The following CNTN5 variants were observed in gnomAD, a reference collection of about 807,000 sequenced individuals.
The protein encoded by CNTN5 is contactin 5.
CNTN5 carries 77 observed loss-of-function variants against 129.1 expected under a neutral mutation model. The ratio of observed to expected loss-of-function variants is 0.60; its 90% CI spans 0.50 to 0.72. The LOEUF (loss-of-function observed/expected upper bound fraction) is 0.72, where lower values mean the gene tolerates loss of function less well. Among genes scored for constraint, CNTN5 ranks in the 30% least tolerant of loss-of-function variants. The pLI, the probability that CNTN5 is intolerant of heterozygous loss-of-function variation, is 0.00. For synonymous variants in CNTN5, 509 were observed against 465.6 expected (o/e 1.09, Z -1.20); for missense variants, 1,478 against 1,328.8 (o/e 1.11, Z -1.75).
Position 99,838,868 on chromosome 11 carries a change from A to G in CNTN5, c.278-5984A>G, listed in dbSNP as rs889814987. ...TACTTAGTATTAGAAGTAATATAGT[A>G]TGCCTTTTGCTTTTAGCTAGAAATA... On this transcript the variant is annotated intron_variant, in intron 4 of 24. Coordinates refer to ENST00000524871, the MANE Select transcript of CNTN5 (RefSeq NM_014361.4). Among the ~76,000 whole-genome samples, 7 of 152,286 alleles carry G rather than the reference A, an allele frequency of 4.6e-5. No individual in the cohort carries two copies. In the East Asian group the frequency reaches 7.7e-4, roughly 17 times the overall value.
chr11:100,125,115 A>G (rs1240261805), intron 13 of CNTN5, among the ~76,000 whole-genome samples: 1 of 152,054 alleles, frequency 6.6e-6, no homozygotes, highest in East Asian at 1.9e-4. Flanking sequence ...GATGTTATAG[A>G]AAATAAAGTG....
chr11:99,408,487 A>AAAGG (rs1942233249), intron 2 of CNTN5, among the ~76,000 whole-genome samples: 1 of 145,448 alleles, frequency 6.9e-6, no homozygotes, highest in Non-Finnish European at 1.5e-5. Context: ...AGAAAGAAAG[A>AAAGG]AAGAAAGAAA....
chr11:99,797,875 G>T (rs907887996), intron 3 of CNTN5, among the ~76,000 whole-genome samples: 1 of 151,966 alleles, frequency 6.6e-6, no homozygotes, highest in Non-Finnish European at 1.5e-5. Flanking sequence ...TCATTAATTT[G>T]TGAAATTATA....
At chr11:100,000,690 A>T (rs1054256446) in intron 8 of CNTN5, among the ~76,000 whole-genome samples, 4 of 152,188 alleles carry the variant, frequency 2.6e-5, no homozygotes, top group African/African-American at 9.7e-5. Flanking sequence ...GCATTGCCCT[A>T]GTAGAGGTTC....
chr11:100,252,232 T>C (rs543621443), intron 16 of CNTN5, among the ~76,000 whole-genome samples: 1 of 152,172 alleles, frequency 6.6e-6, no homozygotes, highest in African/African-American at 2.4e-5. Context: ...TAAATGTCTT[T>C]TCAGATGTGA....
In CNTN5 at chr11:99,057,046, C is replaced by G. The variant is rs114201569; in HGVS notation, c.-210+35776C>G. ...CTGTAGGCCAAATTCCAGCTTATCA[C>G]TAAATTGACAAGCATGAGCAGCCTC... is the stretch of plus-strand genomic sequence containing the variant. On this transcript the variant is annotated intron_variant, in intron 1 of 24. Coordinates refer to ENST00000524871, the MANE Select transcript of CNTN5 (RefSeq NM_014361.4). 6.2e-3 allele frequency among the ~76,000 whole-genome samples: 949 copies of G among 152,098 alleles called. 7 individuals are homozygous for G. The highest frequency in any genetic ancestry group is 0.022 in the African/African-American group (905 of 41,514).
chr11:99,045,702 T>C (rs1864177682), intron 1 of CNTN5, among the ~76,000 whole-genome samples: 1 of 152,210 alleles, frequency 6.6e-6, no homozygotes, highest in African/African-American at 2.4e-5. Context: ...TGCAAAACTT[T>C]AAGCATCGGG....
chr11:99,819,508 C>T lies in CNTN5; in HGVS notation c.56-36C>T, dbSNP rs766320825. 1.5e-5 allele frequency: 23 copies of T among 1,552,640 alleles called. No homozygotes were observed. The East Asian group carries it at 5.0e-4, about 34-fold the overall frequency. Reference sequence around the variant, plus strand: ...TAAGAAAAAAATAAACTAGTTTCCTCAAAATTCAGATTTTATTATATTTTT... The same window carrying T: ...TAAGAAAAAAATAAACTAGTTTCCTTAAAATTCAGATTTTATTATATTTTT... On this transcript the variant is annotated intron_variant, in intron 3 of 24. Coordinates refer to ENST00000524871, the MANE Select transcript of CNTN5 (RefSeq NM_014361.4).
At position 99,135,028 on chromosome 11, in the gene CNTN5, T is replaced by G. The variant is rs138282964; in HGVS notation, c.-210+113758T>G. Among the ~76,000 whole-genome samples the G allele has an allele frequency of 2.2e-3, 336 of 152,334 alleles. 1 individual carries two copies. Among genetic ancestry groups the G allele is most frequent in the African/African-American group, 7.6e-3 (315 of 41,586 alleles). Reference sequence around the variant, plus strand: ...TTTCTATGATGAACATTTATTCCACTTCCACGTAGAACACTATAATATAAG... The same window carrying G: ...TTTCTATGATGAACATTTATTCCACGTCCACGTAGAACACTATAATATAAG... On this transcript the variant is annotated intron_variant, in intron 1 of 24. Coordinates refer to ENST00000524871, the MANE Select transcript of CNTN5 (RefSeq NM_014361.4).
chr11:100,095,829 A>T lies in CNTN5; in HGVS notation c.1580+21535A>T, dbSNP rs186497476. On this transcript the variant is annotated intron_variant, in intron 13 of 24. Transcript: ENST00000524871. ...TCTACACGTGTGCCTTCGGTGATTT[A>T]TTTAAGCATTCCAACAGATAACATG... Among the ~76,000 whole-genome samples, 7 of 152,164 alleles carry T rather than the reference A, an allele frequency of 4.6e-5. No homozygotes were observed. The East Asian group carries it at 1.4e-3, about 29-fold the overall frequency.
At chr11:99,731,406 T>G (rs984688075) in intron 3 of CNTN5, among the ~76,000 whole-genome samples, 1 of 152,142 alleles carries the variant, frequency 6.6e-6, no homozygotes, top group African/African-American at 2.4e-5. Context: ...AAGAAGCTCT[T>G]TAGTTAACTC....
At chr11:100,104,733 T>C (rs1243433589) in intron 13 of CNTN5, among the ~76,000 whole-genome samples, 1 of 152,142 alleles carries the variant, frequency 6.6e-6, no homozygotes. Flanking sequence ...ATAGTATATA[T>C]CTGGGTAATT....
At chr11:99,188,956 CCT>C (rs1858494148) in intron 1 of CNTN5, among the ~76,000 whole-genome samples, 1 of 151,612 alleles carries the variant, frequency 6.6e-6, no homozygotes, top group Non-Finnish European at 1.5e-5. Flanking sequence ...AATTATTCCC[CCT>C]TTTTAATTGA....
intron 3 of CNTN5, among the ~76,000 whole-genome samples, chr11:99,683,388 A>T (rs1953645722): frequency 6.6e-6 from 1 of 151,882 alleles, no homozygotes; most frequent in South Asian, 2.1e-4. Flanking sequence ...TTTCTTGAAA[A>T]GATTGTCTTT....
At chr11:99,734,607 T>G (rs1020909682) in intron 3 of CNTN5, among the ~76,000 whole-genome samples, 3 of 152,156 alleles carry the variant, frequency 2.0e-5, no homozygotes, top group African/African-American at 7.2e-5. Context: ...AAAAACAGAC[T>G]TCTAAAAGGC....
intron 3 of CNTN5, among the ~76,000 whole-genome samples, chr11:99,727,494 T>G (rs1355419020): frequency 6.6e-6 from 1 of 151,908 alleles, no homozygotes; most frequent in Admixed American, 6.6e-5. Context: ...TTTTCATAGT[T>G]ATTATATTAT....
rs1390703661 is a variant in CNTN5, at chr11:99,408,503, A to AAAGAAAGT, written c.-71+83022_-71+83023insAAAGTAAG. ...GAAAGAAAGAAAGAAAGAAAGAAAG[A>AAAGAAAGT]AAGTTAGTTCATAGAAATTGGAGTC... On this transcript the variant is annotated intron_variant, in intron 2 of 24. Transcript: ENST00000524871. Among the ~76,000 whole-genome samples, 1,043 of 144,662 alleles carry AAAGAAAGT rather than the reference A, an allele frequency of 7.2e-3. 10 individuals are homozygous for AAAGAAAGT. Among genetic ancestry groups the AAAGAAAGT allele is most frequent in the East Asian group, 0.033 (146 of 4,412 alleles). The allele number at this position is 144,662 out of a possible 152,430, so 94.9% of individuals were successfully genotyped here.
At chr11:99,195,698 A>G (rs926118819) in intron 1 of CNTN5, among the ~76,000 whole-genome samples, 1 of 152,022 alleles carries the variant, frequency 6.6e-6, no homozygotes, top group Non-Finnish European at 1.5e-5. Flanking sequence ...AACATTTACA[A>G]ATTCATAATT....
intron 4 of CNTN5, among the ~76,000 whole-genome samples, chr11:99,843,915 C>G (rs558145490): frequency 6.6e-6 from 1 of 152,188 alleles, no homozygotes; most frequent in Non-Finnish European, 1.5e-5. Context: ...ATCTTAGATA[C>G]GCACACGATG....
Sources: allele counts gnomAD v4.1 joint callset (sites outside exome capture counted in the v4.1 genomes callset), GRCh38; gene constraint gnomAD v4.1.1; transcripts MANE v1.5; gene names NCBI Gene and HGNC (gene_info 2026-07-23, HGNC 2026-07-21).